SUGCT: variants seen among roughly 807,000 people sequenced by gnomAD.
The protein encoded by SUGCT is succinyl-CoA:glutarate-CoA transferase, also known as succinyl-CoA:glutarate CoA-transferase.
Under a neutral mutation model 55.0 loss-of-function variants are expected in SUGCT, and 41 were observed. That is an observed-to-expected ratio of 0.74 (90% confidence interval 0.58 to 0.97). The LOEUF is 0.97. Ranked by LOEUF, SUGCT falls within the 50% of genes least tolerant of loss-of-function variation. The pLI, the probability that SUGCT is intolerant of heterozygous loss-of-function variation, is 0.00. For synonymous variants in SUGCT, 187 were observed against 200.4 expected (o/e 0.93, Z 0.56); for missense variants, 568 against 547.8 (o/e 1.04, Z -0.37).
chr7:40,274,617 G>T lies in SUGCT; in HGVS notation c.681G>T (p.Gly227=), dbSNP rs1482862702. ...MAGLIQKYKT[G]KGLFIDCNLL... ...GATTGATACAAAAATACAAAACTGG[G>T]AAAGGACTGTTCATTGATTGTAACC... is the stretch of plus-strand genomic sequence containing the variant. Residue 227 remains glycine, a synonymous_variant, in exon 8 of 14, where the codon GGG becomes GGT. Transcript: ENST00000335693. 6.2e-7 allele frequency: 1 copy of T among 1,613,556 alleles called. No homozygotes were observed. The highest frequency in any genetic ancestry group is 8.5e-7 in the Non-Finnish European group (1 of 1,179,738).
chr7:40,486,406 T>C (rs1791351508), intron 11 of SUGCT, among the ~76,000 whole-genome samples: 1 of 152,164 alleles, frequency 6.6e-6, no homozygotes, highest in Admixed American at 6.5e-5. Flanking sequence ...AGTTTATCTT[T>C]TCAAAAGCCA....
chr7:40,549,591 C>T (rs980427871), intron 12 of SUGCT, among the ~76,000 whole-genome samples: 14 of 151,514 alleles, frequency 9.2e-5, no homozygotes, highest in African/African-American at 2.9e-4. Flanking sequence ...ATAATGTGGT[C>T]GGAACATAAG....
chr7:40,674,397 G>T (rs1020368846), intron 12 of SUGCT, among the ~76,000 whole-genome samples: 1 of 152,142 alleles, frequency 6.6e-6, no homozygotes, highest in Non-Finnish European at 1.5e-5. Context: ...GTTCAAAATG[G>T]CATCATATTC....
At chr7:40,520,017 T>C (rs1017756422) in intron 12 of SUGCT, among the ~76,000 whole-genome samples, 7 of 152,210 alleles carry the variant, frequency 4.6e-5, no homozygotes, top group Non-Finnish European at 8.8e-5. Flanking sequence ...GAATTTGGAC[T>C]ATTTTAAAAA....
At chr7:40,421,232 G>C (rs1040190374) in intron 9 of SUGCT, among the ~76,000 whole-genome samples, 2 of 152,070 alleles carry the variant, frequency 1.3e-5, no homozygotes, top group African/African-American at 2.4e-5. Flanking sequence ...TTCAGTTCTG[G>C]GGACTTTCCT....
At chr7:40,829,383 G>C (rs779677851) in intron 13 of SUGCT, among the ~76,000 whole-genome samples, 1 of 152,096 alleles carries the variant, frequency 6.6e-6, no homozygotes, top group Non-Finnish European at 1.5e-5. Context: ...TTCATTGCCA[G>C]CTCATTCTTC....
intron 9 of SUGCT, among the ~76,000 whole-genome samples, chr7:40,352,986 G>A (rs894463228): frequency 1.3e-5 from 2 of 152,102 alleles, no homozygotes; most frequent in South Asian, 4.1e-4. Flanking sequence ...GTGTGAGATG[G>A]TAACTCATTG....
chr7:40,241,787 G>T (rs1465090658), intron 7 of SUGCT, among the ~76,000 whole-genome samples: 1 of 151,830 alleles, frequency 6.6e-6, no homozygotes, highest in African/African-American at 2.4e-5. Flanking sequence ...GGGCGTGGTG[G>T]TGTGCATCTG....
chr7:40,879,669 A>T, the SUGCT span, among the ~76,000 whole-genome samples: 3 of 152,136 alleles, frequency 2.0e-5, no homozygotes, highest in African/African-American at 7.2e-5. Context: ...TCCATATTAC[A>T]TTTACCTGTT....
At chr7:41,008,614 A>T in the SUGCT span, among the ~76,000 whole-genome samples, 1 of 150,592 alleles carries the variant, frequency 6.6e-6, no homozygotes, top group Admixed American at 6.6e-5. Flanking sequence ...TCAAGGCTCC[A>T]CATCTTCCAT....
At chr7:40,246,575 C>G (rs1018705582) in intron 7 of SUGCT, among the ~76,000 whole-genome samples, 1 of 148,650 alleles carries the variant, frequency 6.7e-6, no homozygotes, top group African/African-American at 2.5e-5. Flanking sequence ...TTATGCCTGA[C>G]TTTTTTGTTT....
At chr7:40,446,769 T>C (rs991958388) in intron 9 of SUGCT, among the ~76,000 whole-genome samples, 4 of 152,188 alleles carry the variant, frequency 2.6e-5, no homozygotes, top group African/African-American at 9.6e-5. Context: ...AATTAAGACA[T>C]GACCAATACA....
At chr7:40,314,044 A>G (rs1179369309) in intron 8 of SUGCT, among the ~76,000 whole-genome samples, 2 of 152,300 alleles carry the variant, frequency 1.3e-5, no homozygotes, top group East Asian at 3.9e-4. Flanking sequence ...AAACAGTTTG[A>G]GAGATGAATT....
intron 11 of SUGCT, among the ~76,000 whole-genome samples, chr7:40,481,409 A>G (rs1386727246): frequency 6.6e-6 from 1 of 151,230 alleles, no homozygotes; most frequent in Admixed American, 6.6e-5. Flanking sequence ...TTATTATGAG[A>G]TTATTATGTA....
At chr7:40,713,345 G>A (rs1025212248) in intron 12 of SUGCT, among the ~76,000 whole-genome samples, 7 of 152,086 alleles carry the variant, frequency 4.6e-5, no homozygotes, top group Admixed American at 3.3e-4. Context: ...CCTGGCCTCC[G>A]AGCATTTCCT....
chr7:41,017,340 AAG>A, the SUGCT span, among the ~76,000 whole-genome samples: 54,310 of 151,996 alleles, frequency 0.36, 10,512 homozygotes, highest in Non-Finnish European at 0.44. Context: ...GGGAAAGACA[AAG>A]GGGGTTGAAA....
At chr7:40,456,214 T>C (rs1260841205) in intron 10 of SUGCT, among the ~76,000 whole-genome samples, 2 of 152,050 alleles carry the variant, frequency 1.3e-5, no homozygotes, top group Non-Finnish European at 2.9e-5. Context: ...TTAGTAGAGA[T>C]GGGGTTTCAC....
chr7:40,248,869 C>A (rs889230920), intron 7 of SUGCT, among the ~76,000 whole-genome samples: 3 of 150,596 alleles, frequency 2.0e-5, no homozygotes, highest in Non-Finnish European at 3.0e-5. Context: ...GTGGCTCTTT[C>A]CAGCGCGCGC....
At chr7:40,158,736 TGA>T (rs1389161226) in intron 1 of SUGCT, among the ~76,000 whole-genome samples, 1 of 152,076 alleles carries the variant, frequency 6.6e-6, no homozygotes, top group Non-Finnish European at 1.5e-5. Context: ...GGTAACAGAG[TGA>T]GAGTCTGTCT....
Sources: gnomAD v4.1 joint callset for allele counts (sites outside exome capture counted in the v4.1 genomes callset) on GRCh38, gnomAD v4.1.1 for gene constraint, MANE v1.5 for transcripts, NCBI Gene and HGNC (gene_info 2026-07-23, HGNC 2026-07-21) for gene names.